Variants in STIM1 observed in about 807,000 individuals in gnomAD.
The protein encoded by STIM1 is stromal interaction molecule 1.
A neutral mutation model predicts 74.7 loss-of-function variants in STIM1; 25 were observed. That is an observed-to-expected ratio of 0.33 (90% CI 0.24 to 0.47). STIM1 has a LOEUF of 0.47. STIM1 is among the 20% of genes least tolerant of loss of function. The probability of loss-of-function intolerance (pLI) is 1.00; values close to 1 mark genes in which losing one functional copy is unlikely to be tolerated. For missense variants in STIM1, 728 were observed against 920.8 expected (o/e 0.79, Z 2.71); for synonymous variants, 328 against 348.8 (o/e 0.94, Z 0.66).
At chr11:3,965,162 A>G (rs1293961253) in intron 1 of STIM1, among the ~76,000 whole-genome samples, 1 of 152,268 alleles carries the variant, frequency 6.6e-6, no homozygotes, top group African/African-American at 2.4e-5. Flanking sequence ...GTTTTATTAG[A>G]ACACATTCAA....
intron 1 of STIM1, among the ~76,000 whole-genome samples, chr11:3,902,635 C>A (rs1018340328): frequency 3.3e-5 from 5 of 152,206 alleles, no homozygotes; most frequent in Admixed American, 1.3e-4. Context: ...TGCCGCTCAC[C>A]TCCTGCTGTG....
chr11:3,980,790 T>G (rs2093496560), intron 2 of STIM1, among the ~76,000 whole-genome samples: 1 of 152,160 alleles, frequency 6.6e-6, no homozygotes, highest in East Asian at 1.9e-4. Flanking sequence ...CAGATAGTTC[T>G]TTGTTGTGGG....
rs56737126 is a variant in STIM1, at chr11:3,863,220, ATGTGTGTGTGTGTG to A, written c.139+6845_139+6858del. The stretch of plus-strand genomic sequence containing the variant: ...CACACGTATATATTTGAGACAATGC[ATGTGTGTGTGTGTG>A]TGTGTGTGTGTGTGTGTGTGTGTGT... On this transcript the variant is annotated intron_variant, in intron 1 of 12. Transcript: ENST00000526596. 8.0e-3 allele frequency among the ~76,000 whole-genome samples: 1,013 copies of A among 125,894 alleles called. 14 individuals carry two copies. Among genetic ancestry groups the A allele is most frequent in the African/African-American group, 0.027 (915 of 33,576 alleles). The allele number at this position is 125,894 out of a possible 152,430, so 82.6% of individuals were successfully genotyped here.
At position 3,967,701 on chromosome 11, in the gene STIM1, CTA is replaced by C. The variant is rs2093352660; in HGVS notation, c.270+21_270+22del. On this transcript the variant is annotated intron_variant, in intron 2 of 12. Coordinates refer to ENST00000526596, the MANE Select transcript of STIM1 (RefSeq NM_001382567.1). ...TGATGAGGTGAGCTCTCCCATCCTG[CTA>C]TGTCTCTCTTTTCTTCCTGTGTGAA... The C allele has an allele frequency of 6.2e-7, 1 of 1,613,886 alleles. No individual in the cohort carries two copies. The highest frequency in any genetic ancestry group is 1.1e-5 in the South Asian group (1 of 91,080).
chr11:3,880,623 T>G (rs1253260242), intron 1 of STIM1, among the ~76,000 whole-genome samples: 1 of 152,166 alleles, frequency 6.6e-6, no homozygotes, highest in African/African-American at 2.4e-5. Flanking sequence ...CAAAGCTGTT[T>G]GTTAAATACT....
At chr11:4,058,987 C>G in intron 4 of STIM1, 1 of 1,164,146 alleles carries the variant, frequency 8.6e-7, no homozygotes, top group South Asian at 1.7e-5. Flanking sequence ...GAAGGAGAAG[C>G]ACAACAGAAA....
intron 3 of STIM1, among the ~76,000 whole-genome samples, chr11:4,048,934 A>T (rs1227686068): frequency 1.3e-5 from 2 of 152,144 alleles, no homozygotes; most frequent in Non-Finnish European, 2.9e-5. Context: ...GGGTTTCACC[A>T]TGTTGGCCAG....
At chr11:4,086,797 C>T in intron 12 of STIM1, 1 of 1,536,590 alleles carries the variant, frequency 6.5e-7, no homozygotes, top group Non-Finnish European at 8.7e-7. Flanking sequence ...CCAGATGGAG[C>T]CCTACCCTGA....
At position 3,978,276 on chromosome 11, in the gene STIM1, G is replaced by A. The variant is rs571047181; in HGVS notation, c.270+10594G>A. Among the ~76,000 whole-genome samples, 130 of 151,556 alleles carry A rather than the reference G, an allele frequency of 8.6e-4. 1 individual carries two copies. The highest frequency in any genetic ancestry group is 2.9e-3 in the African/African-American group (120 of 41,394). On this transcript the variant is annotated intron_variant, in intron 2 of 12. Transcript: ENST00000526596. ...CGATTCTCCTGCCTCAGCCTCCTGA[G>A]TAGCTGGGATTACAGGCATGCACCA...
At chr11:3,866,512 C>T (rs1161851028) in intron 1 of STIM1, among the ~76,000 whole-genome samples, 3 of 151,590 alleles carry the variant, frequency 2.0e-5, no homozygotes, top group African/African-American at 7.3e-5. Context: ...CTGCAACTTC[C>T]GCCTCCTGGG....
chr11:3,932,329 G>A (rs1046239938), intron 1 of STIM1, among the ~76,000 whole-genome samples: 5 of 152,176 alleles, frequency 3.3e-5, no homozygotes, highest in Non-Finnish European at 5.9e-5. Context: ...TAGGTCATTA[G>A]GACAGAGCCC....
At chr11:3,872,087 C>A (rs994080843) in intron 1 of STIM1, among the ~76,000 whole-genome samples, 3 of 152,158 alleles carry the variant, frequency 2.0e-5, no homozygotes, top group African/African-American at 7.2e-5. Flanking sequence ...GAGTCTACCT[C>A]TGTCGCCCAG....
chr11:3,868,494 G>C (rs965862126), intron 1 of STIM1, among the ~76,000 whole-genome samples: 1 of 152,142 alleles, frequency 6.6e-6, no homozygotes, highest in Non-Finnish European at 1.5e-5. Context: ...TAATAACTTG[G>C]TGTGGGGTGG....
At chr11:3,942,639 C>T (rs1565123177) in intron 1 of STIM1, among the ~76,000 whole-genome samples, 1 of 152,200 alleles carries the variant, frequency 6.6e-6, no homozygotes, top group Admixed American at 6.5e-5. Context: ...ACTGTGGTTT[C>T]GTATGGGTTG....
intron 3 of STIM1, among the ~76,000 whole-genome samples, chr11:4,025,521 A>T (rs2093991782): frequency 6.6e-6 from 1 of 152,140 alleles, no homozygotes; most frequent in African/African-American, 2.4e-5. Flanking sequence ...GCCAGGAAAA[A>T]ATCTTCCATT....
intron 2 of STIM1, among the ~76,000 whole-genome samples, chr11:3,992,089 G>GTTT (rs75377604): frequency 1.0e-4 from 10 of 95,400 alleles, no homozygotes; most frequent in South Asian, 3.5e-4. Context: ...CTGTTTTTTT[G>GTTT]TTTTTTTTTT....
chr11:3,941,673 T>TAGAGAGAGAGAGAGAGAGAGAGAG (rs1554959602), intron 1 of STIM1, among the ~76,000 whole-genome samples: 1 of 90,730 alleles, frequency 1.1e-5, no homozygotes, highest in African/African-American at 3.7e-5. Flanking sequence ...TATATATATA[T>TAGAGAGAGAGAGAGAGAGAGAGAG]AGAGAGAGAG....
chr11:4,009,926 C>T (rs1474099700), intron 2 of STIM1, among the ~76,000 whole-genome samples: 1 of 152,158 alleles, frequency 6.6e-6, no homozygotes, highest in African/African-American at 2.4e-5. Context: ...AATCCTCTCA[C>T]CTCAGCCTCC....
chr11:3,960,492 T>C (rs1192831086), intron 1 of STIM1, among the ~76,000 whole-genome samples: 1 of 152,218 alleles, frequency 6.6e-6, no homozygotes, highest in African/African-American at 2.4e-5. Context: ...TCCTAACCAA[T>C]AGTTTCCAAA....
Sources: gnomAD v4.1 joint callset for allele counts (sites outside exome capture counted in the v4.1 genomes callset) on GRCh38, gnomAD v4.1.1 for gene constraint, MANE v1.5 for transcripts, NCBI Gene and HGNC (gene_info 2026-07-23, HGNC 2026-07-21) for gene names.